STS: variants seen among roughly 807,000 people sequenced by gnomAD.
STS encodes the protein steryl-sulfatase.
STS carries 7 observed loss-of-function variants against 26.8 expected under a neutral mutation model. The observed-to-expected ratio is 0.26, with a 90% CI of 0.15 to 0.49. STS has a LOEUF of 0.49. Ranked by LOEUF, STS falls within the 20% of genes least tolerant of loss-of-function variation. STS has a pLI of 0.98. For synonymous variants in STS, 199 were observed against 189.4 expected (o/e 1.05, Z -0.42); for missense variants, 434 against 465.6 (o/e 0.93, Z 0.63).
At chrX:7,210,498 A>C (rs1160766966) in intron 2 of STS, among the ~76,000 whole-genome samples, 1 of 107,561 alleles carries the variant, frequency 9.3e-6, no homozygotes, top group Non-Finnish European at 1.9e-5. Flanking sequence ...TTTAAATATT[A>C]AATATATATT....
chrX:7,153,695 C>T (rs1183887283), intron 1 of STS, among the ~76,000 whole-genome samples: 2 of 91,289 alleles, frequency 2.2e-5, no homozygotes, highest in Non-Finnish European at 4.3e-5. Context: ...TCCTCCTTCT[C>T]TCTTTTCCTG....
At chrX:7,339,702 T>G (rs750024891) in intron 10 of STS, among the ~76,000 whole-genome samples, 10 of 112,066 alleles carry the variant, frequency 8.9e-5, no homozygotes, top group Middle Eastern at 4.6e-3. Context: ...AATTTTTTAT[T>G]AAATTTATTT....
chrX:7,149,972 A>G (rs913658437), intron 1 of STS, among the ~76,000 whole-genome samples: 6 of 111,763 alleles, frequency 5.4e-5, no homozygotes, highest in African/African-American at 2.0e-4. Flanking sequence ...GGTAGCGGGG[A>G]TGAGGACTCC....
chrX:7,342,896 G>A (rs1291897988), intron 10 of STS, among the ~76,000 whole-genome samples: 2 of 111,439 alleles, frequency 1.8e-5, no homozygotes, highest in Non-Finnish European at 3.8e-5. Context: ...ATGAGACTAG[G>A]GTAATGTATG....
At chrX:7,170,974 G>T (rs1601627288) in intron 1 of STS, among the ~76,000 whole-genome samples, 1 of 111,088 alleles carries the variant, frequency 9.0e-6, no homozygotes, top group Non-Finnish European at 1.9e-5. Context: ...CCTATTAATG[G>T]CTGGGCAGTC....
chrX:7,174,641 G>C lies in STS; in HGVS notation c.-133-16239G>C, dbSNP rs148790739. ...GATTCCTTGTCAGATTGATCTTCTC[G>C]TAAGGTGTAAGCCTCTTTTTGCGTT... On this transcript the variant is annotated intron_variant, in intron 1 of 10. Coordinates refer to ENST00000674429, the MANE Select transcript of STS (RefSeq NM_001320752.2). Among the ~76,000 whole-genome samples, 898 of 111,718 alleles carry C rather than the reference G, an allele frequency of 8.0e-3. 7 individuals carry two copies. Among genetic ancestry groups the C allele is most frequent in the Non-Finnish European group, 1.0e-2 (531 of 53,146 alleles).
chrX:7,306,851 C>T (rs1235622418), intron 8 of STS, among the ~76,000 whole-genome samples: 2 of 112,186 alleles, frequency 1.8e-5, no homozygotes, highest in East Asian at 5.6e-4. Context: ...CAGCAAATAG[C>T]TTGTTCTGCA....
chrX:7,243,386 T>C (rs1300302582), intron 2 of STS, among the ~76,000 whole-genome samples: 12 of 111,966 alleles, frequency 1.1e-4, no homozygotes, highest in African/African-American at 3.9e-4. Context: ...CTTTTATCGC[T>C]AGTATCCTGA....
intron 2 of STS, among the ~76,000 whole-genome samples, chrX:7,219,168 AAG>A (rs1259987711): frequency 8.9e-6 from 1 of 112,107 alleles, no homozygotes; most frequent in African/African-American, 3.2e-5. Flanking sequence ...AGACAGGTAT[AAG>A]AGAGGGGGGA....
intron 1 of STS, among the ~76,000 whole-genome samples, chrX:7,155,026 G>A (rs1228251645): frequency 8.9e-6 from 1 of 112,143 alleles, no homozygotes; most frequent in East Asian, 2.8e-4. Flanking sequence ...GGAACAGAAA[G>A]CTGGTTGCAC....
chrX:7,251,582 A>G (rs574949325), intron 2 of STS, among the ~76,000 whole-genome samples: 2 of 111,778 alleles, frequency 1.8e-5, no homozygotes, highest in African/African-American at 6.5e-5. Context: ...GAGAACAGAT[A>G]GGTAAACTAA....
chrX:7,334,939 G>T (rs1927940880), intron 10 of STS, among the ~76,000 whole-genome samples: 1 of 112,014 alleles, frequency 8.9e-6, no homozygotes, highest in Admixed American at 9.5e-5. Flanking sequence ...AGGTGTGGTT[G>T]TTGATTTTTA....
In STS at chrX:7,236,143, A is replaced by G. The variant is rs1417412632; in HGVS notation, c.-4-17053A>G. On this transcript the variant is annotated intron_variant, in intron 2 of 10. Coordinates refer to ENST00000674429, the MANE Select transcript of STS (RefSeq NM_001320752.2). ...ATTATTTATGAAAACTGTGATAGTTATGATTTAAAGTTATAAAACCCCCAT... is the reference window on the plus strand; with the variant it reads ...ATTATTTATGAAAACTGTGATAGTTGTGATTTAAAGTTATAAAACCCCCAT... Among the ~76,000 whole-genome samples the G allele has an allele frequency of 2.7e-5, 3 of 111,914 alleles. No individual in the cohort carries two copies. The East Asian group carries it at 8.4e-4, about 31-fold the overall frequency.
Position 7,324,995 on chromosome X carries a change from A to C in STS, c.1082-344A>C, listed in dbSNP as rs144410623. 8.1e-5 allele frequency among the ~76,000 whole-genome samples: 9 copies of C among 111,074 alleles called. No homozygotes were observed. In the East Asian group the frequency reaches 2.6e-3, roughly 32 times the overall value. On this transcript the variant is annotated intron_variant, in intron 8 of 10. Transcript: ENST00000674429. ...GGGGCACCATTATTTTGCCTGCCAC[A>C]GCTGGTGTAAAGTAGAAATGGAACT...
chrX:7,230,567 A>G (rs1250690116), intron 2 of STS, among the ~76,000 whole-genome samples: 1 of 112,360 alleles, frequency 8.9e-6, no homozygotes, highest in Admixed American at 9.4e-5. Context: ...TATAAAGGAA[A>G]GAGGTTTAAT....
intron 1 of STS, among the ~76,000 whole-genome samples, chrX:7,158,034 C>T (rs1368512124): frequency 1.8e-5 from 2 of 111,896 alleles, no homozygotes; most frequent in Non-Finnish European, 3.8e-5. Flanking sequence ...GGCATTATAG[C>T]CCTGCCTCCT....
intron 6 of STS, among the ~76,000 whole-genome samples, chrX:7,263,719 ATAGAG>A (rs1330723895): frequency 8.9e-6 from 1 of 112,436 alleles, no homozygotes; most frequent in Admixed American, 9.4e-5. Context: ...TCAGAGAAAA[ATAGAG>A]TAAAGAAAAT....
intron 8 of STS, among the ~76,000 whole-genome samples, chrX:7,309,427 A>G (rs1926376177): frequency 9.0e-6 from 1 of 111,047 alleles, no homozygotes; most frequent in Non-Finnish European, 1.9e-5. Context: ...GGAGCAGGAA[A>G]GATCACTATT....
chrX:7,154,749 C>T lies in STS; in HGVS notation c.-134+6666C>T, dbSNP rs1205285575. 1.4e-4 allele frequency among the ~76,000 whole-genome samples: 15 copies of T among 110,439 alleles called. 1 individual carries two copies. In the East Asian group the frequency reaches 2.5e-3, roughly 19 times the overall value. On this transcript the variant is annotated intron_variant, in intron 1 of 10. Coordinates refer to ENST00000674429, the MANE Select transcript of STS (RefSeq NM_001320752.2). ...TGTATGTAAGCAATCAGGACCACAA[C>T]GTGAATAGATAATATCAAAATCAAA...
Sources: gnomAD v4.1 joint callset for allele counts (sites outside exome capture counted in the v4.1 genomes callset) on GRCh38, gnomAD v4.1.1 for gene constraint, MANE v1.5 for transcripts, NCBI Gene and HGNC (gene_info 2026-07-23, HGNC 2026-07-21) for gene names.